The following KDM8 variants were observed in gnomAD, a reference collection of about 807,000 sequenced individuals.
KDM8 encodes lysine demethylase 8, also known as bifunctional peptidase and arginyl-hydroxylase JMJD5.
Under a neutral mutation model 46.9 loss-of-function variants are expected in KDM8, and 35 were observed. The observed-to-expected ratio is 0.75, with a 90% CI of 0.57 to 0.99. The LOEUF (loss-of-function observed/expected upper bound fraction) is 0.99. Ranked by LOEUF, KDM8 falls within the 50% of genes least tolerant of loss-of-function variation. The pLI, the probability that KDM8 is intolerant of heterozygous loss-of-function variation, is 0.00. For missense variants in KDM8, 475 were observed against 537.0 expected, an observed-to-expected ratio of 0.88 and a Z score of 1.14; for synonymous variants, 232 against 227.7, an observed-to-expected ratio of 1.02 and a Z score of -0.17.
rs953797225 is a variant in KDM8, at chr16:27,214,790, T to C, written c.666-86T>C. On this transcript the variant is annotated intron_variant, in intron 3 of 7. Coordinates refer to ENST00000286096, the MANE Select transcript of KDM8 (RefSeq NM_024773.3). ...CTCTGCACGTGAGGTTTTCCGAGGA[T>C]GAAAGGGGACCACATGCAAAGCACA... is the stretch of plus-strand genomic sequence containing the variant. 2.0e-6 allele frequency: 3 copies of C among 1,500,570 alleles called. No individual in the cohort carries two copies. In the African/African-American group the frequency reaches 4.1e-5, roughly 21 times the overall value. 93.0% of individuals were successfully genotyped at this position (1,500,570 alleles called of 1,614,324 possible).
chr16:27,211,353 C>G, intron 2 of KDM8: 1 of 374,422 alleles, frequency 2.7e-6, no homozygotes, highest in Non-Finnish European at 5.2e-6. Flanking sequence ...GATACTACAA[C>G]TAGCTGATGT....
In KDM8 at chr16:27,220,639, C is replaced by A; in HGVS notation, c.1160C>A (p.Ser387Tyr). Residue 387 changes from serine to tyrosine, a missense_variant, in exon 8 of 8, where the codon TCT becomes TAT. Physicochemically the swap from Ser to Tyr is moderately radical, Grantham distance 144 (BLOSUM62 -2). Coordinates refer to ENST00000286096, the MANE Select transcript of KDM8 (RefSeq NM_024773.3). Reference protein sequence around the residue: ...AKAPFLSCILSPGEILFIPVK... With the variant: ...AKAPFLSCILYPGEILFIPVK... The stretch of plus-strand genomic sequence containing the variant: ...GCCCCATTCCTGTCCTGCATCCTGT[C>A]TCCTGGAGAGATCCTGTTCATCCCG... The A allele has an allele frequency of 6.2e-7, 1 of 1,614,176 alleles. No individual in the cohort carries two copies. The highest frequency in any genetic ancestry group is 8.5e-7 in the Non-Finnish European group (1 of 1,180,026).
chr16:27,218,855 A>G, intron 5 of KDM8, 106 bp from the exon 6 acceptor site: 1 of 1,293,300 alleles, frequency 7.7e-7, no homozygotes, highest in Admixed American at 1.8e-5. Context: ...TCAAACACAC[A>G]CACACATAAT....
At chr16:27,215,140 C>T (rs938919975) in intron 4 of KDM8, 132 bp downstream of exon 4, 35 of 1,018,590 alleles carry the variant, frequency 3.4e-5, no homozygotes, top group East Asian at 2.7e-4. Context: ...GTCGGAGGGA[C>T]GACCGCAGCG....
intron 5 of KDM8, among the ~76,000 whole-genome samples, chr16:27,216,730 C>G (rs1409124326): frequency 6.6e-6 from 1 of 152,182 alleles, no homozygotes; most frequent in Non-Finnish European, 1.5e-5. Context: ...GGCGGTTTCT[C>G]TTCCCCAGGC....
chr16:27,219,148 T>C, intron 6 of KDM8, 38 bp downstream of exon 6: 1 of 1,560,348 alleles, frequency 6.4e-7, no homozygotes, highest in Non-Finnish European at 8.7e-7. Context: ...TTCTAACTCC[T>C]CCTGGCCCAG....
At position 27,220,847 on chromosome 16, in the gene KDM8, C is replaced by G; in HGVS notation, c.*117C>G. The stretch of plus-strand genomic sequence containing the variant: ...CTGAACCTGTGTCCTGAAGAGCCTT[C>G]ACTGCCCAGTGGCAGCCCTGGGGGG... On this transcript the variant is annotated 3_prime_UTR_variant, in exon 8 of 8. Transcript: ENST00000286096. The G allele has an allele frequency of 7.9e-7, 1 of 1,267,980 alleles. No individual in the cohort carries two copies. 78.5% of individuals were successfully genotyped at this position (1,267,980 alleles called of 1,614,324 possible).
At chr16:27,203,960 C>G (rs1294712121) in intron 1 of KDM8, 2 of 638,910 alleles carry the variant, frequency 3.1e-6, no homozygotes, top group Non-Finnish European at 5.2e-6. Context: ...CTTGGCGTCG[C>G]GTTGGTGTAG....
At position 27,220,867 on chromosome 16, in the gene KDM8, G is replaced by C. The variant is rs764344752; in HGVS notation, c.*137G>C. Reference sequence around the variant, plus strand: ...GCCTTCACTGCCCAGTGGCAGCCCTGGGGGGCTGAGCTCCAGCACTGGACA... The same window carrying C: ...GCCTTCACTGCCCAGTGGCAGCCCTCGGGGGCTGAGCTCCAGCACTGGACA... On this transcript the variant is annotated 3_prime_UTR_variant, in exon 8 of 8. Coordinates refer to ENST00000286096, the MANE Select transcript of KDM8 (RefSeq NM_024773.3). 8.5e-4 allele frequency: 877 copies of C among 1,035,644 alleles called. 4 individuals carry two copies. The highest frequency in any genetic ancestry group is 1.4e-4 in the Non-Finnish European group (97 of 676,224). The allele number at this position is 1,035,644 out of a possible 1,614,324, so 64.2% of individuals were successfully genotyped here. A position where few individuals can be genotyped will look rare whatever the true frequency, so the allele number is the denominator to read the frequency against.
intron 5 of KDM8, 65 bp downstream of exon 5, chr16:27,216,054 G>A: frequency 6.5e-7 from 1 of 1,548,854 alleles, no homozygotes; most frequent in Non-Finnish European, 8.9e-7. Flanking sequence ...CCCCTCCTGG[G>A]CTCAGTGCGG....
chr16:27,203,533 T>A lies in KDM8; in HGVS notation c.-135T>A, dbSNP rs1257317758. ...GAGCGGTGAGCGATCGATACTCCTA[T>A]GCTAGCCTCTGGCTCCTCAGGGGAC... On this transcript the variant is annotated 5_prime_UTR_variant, in exon 1 of 8. The change abolishes an upstream ATG in the 5' untranslated region. Transcript: ENST00000286096. The A allele has an allele frequency of 6.5e-6, 1 of 152,812 alleles. No individual in the cohort carries two copies. Among genetic ancestry groups the A allele is most frequent in the Non-Finnish European group, 1.5e-5 (1 of 68,176 alleles). The allele number at this position is 152,812 out of a possible 1,614,324, so 9.5% of individuals were successfully genotyped here. A position where few individuals can be genotyped will look rare whatever the true frequency, so the allele number is the denominator to read the frequency against.
rs1220211318 is a variant in KDM8 at position 27,221,079 on chromosome 16, GGTT to G, written c.*351_*353del. 8 of 376,494 alleles carry G rather than the reference GGTT, an allele frequency of 2.1e-5. No individual in the cohort carries two copies. The highest frequency in any genetic ancestry group is 4.1e-5 in the Non-Finnish European group (8 of 194,512). 23.3% of individuals were successfully genotyped at this position (376,494 alleles called of 1,614,324 possible). ...GGCAGGGGTGAAACATGGGCTCTGA[GGTT>G]GGCTACCTGATTCAAACCCGGCCGC... On this transcript the variant is annotated 3_prime_UTR_variant, in exon 8 of 8. Coordinates refer to ENST00000286096, the MANE Select transcript of KDM8 (RefSeq NM_024773.3).
chr16:27,211,267 T>C (rs1400703290), intron 2 of KDM8: 3 of 443,568 alleles, frequency 6.8e-6, no homozygotes, highest in Non-Finnish European at 1.4e-5. Context: ...AGCTTCTTGG[T>C]GGGCTTGCTG....
chr16:27,220,641 C>A lies in KDM8; in HGVS notation c.1162C>A (p.Pro388Thr). The change falls in exon 8 of 8, where the codon CCT becomes ACT. Residue 388 changes from proline (P) to threonine (T), a missense_variant. Coordinates refer to ENST00000286096, the MANE Select transcript of KDM8 (RefSeq NM_024773.3). ...CCCATTCCTGTCCTGCATCCTGTCT[C>A]CTGGAGAGATCCTGTTCATCCCGGT... ...KAPFLSCILS[P>T]GEILFIPVKY... 1 of 1,614,178 alleles carries A rather than the reference C, an allele frequency of 6.2e-7. No homozygotes were observed. Among genetic ancestry groups the A allele is most frequent in the Non-Finnish European group, 8.5e-7 (1 of 1,180,028 alleles).
intron 1 of KDM8, among the ~76,000 whole-genome samples, chr16:27,207,241 C>T (rs1306709684): frequency 6.6e-6 from 1 of 152,204 alleles, no homozygotes; most frequent in Non-Finnish European, 1.5e-5. Flanking sequence ...AACCCCGTCT[C>T]TACTAAAAAT....
At position 27,220,881 on chromosome 16, in the gene KDM8, C is replaced by T. The variant is rs901893121; in HGVS notation, c.*151C>T. ...GTGGCAGCCCTGGGGGGCTGAGCTC[C>T]AGCACTGGACAGGCACAGAGCAGGG... On this transcript the variant is annotated 3_prime_UTR_variant, in exon 8 of 8. Transcript: ENST00000286096. 6 of 884,246 alleles carry T rather than the reference C, an allele frequency of 6.8e-6. No homozygotes were observed. The highest frequency in any genetic ancestry group is 3.3e-5 in the African/African-American group (2 of 60,616). The allele number at this position is 884,246 out of a possible 1,614,324, so 54.8% of individuals were successfully genotyped here. A position where few individuals can be genotyped will look rare whatever the true frequency, so the allele number is the denominator to read the frequency against.
At chr16:27,213,499 AC>A in intron 2 of KDM8, 85 bp from the exon 3 acceptor site, 1 of 1,412,934 alleles carries the variant, frequency 7.1e-7, no homozygotes, top group Non-Finnish European at 9.8e-7. Context: ...AAGCTCTCCT[AC>A]CCCTGACACA....
chr16:27,213,223 G>A (rs1422988137), intron 2 of KDM8: 1 of 81,362 alleles, frequency 1.2e-5, no homozygotes, highest in Non-Finnish European at 2.6e-5. Context: ...TTTTGCGTGT[G>A]TGTGTGTGTG....
At chr16:27,218,927 TC>T (rs1185041377) in intron 5 of KDM8, 33 bp from the exon 6 acceptor site, 2 of 1,613,434 alleles carry the variant, frequency 1.2e-6, no homozygotes, top group Admixed American at 3.3e-5. Context: ...CCCAGCCGGA[TC>T]CCCACATCTC....
Sources: gnomAD v4.1 joint callset for allele counts (sites outside exome capture counted in the v4.1 genomes callset) on GRCh38, gnomAD v4.1.1 for gene constraint, MANE v1.5 for transcripts, NCBI Gene and HGNC (gene_info 2026-07-23, HGNC 2026-07-21) for gene names.